The following CENPL variants were observed in gnomAD, a reference collection of about 807,000 sequenced individuals.
The protein encoded by CENPL is interphase centromere complex protein 33.
In CENPL, 20 loss-of-function variants were observed where a neutral mutation model predicts 35.2. That is an observed-to-expected ratio of 0.57 (90% CI 0.40 to 0.83). The LOEUF (loss-of-function observed/expected upper bound fraction) is 0.83, where lower values mean the gene tolerates loss of function less well. Ranked by LOEUF, CENPL falls within the 40% of genes least tolerant of loss-of-function variation. CENPL has a pLI of 0.00. For synonymous variants in CENPL, 140 were observed against 140.6 expected (o/e 1.00, Z 0.03); for missense variants, 363 against 395.8 (o/e 0.92, Z 0.70).
At position 173,799,770 on chromosome 1, in the gene CENPL, G is replaced by A. The variant is rs1649589627; in HGVS notation, c.*678C>T. The stretch of plus-strand genomic sequence containing the variant: ...CTAAAATGCTTAAAAGAGATTAAAG[G>A]TTTTAAAGACCCAAATCAGAAATAT... On this transcript the variant is annotated 3_prime_UTR_variant, in exon 6 of 6. Transcript: ENST00000682279. 6.6e-6 allele frequency: 1 copy of A among 152,146 alleles called. No homozygotes were observed. Among genetic ancestry groups the A allele is most frequent in the South Asian group, 2.1e-4 (1 of 4,824 alleles). The allele number at this position is 152,146 out of a possible 1,614,324, so 9.4% of individuals were successfully genotyped here.
intron 5 of CENPL, among the ~76,000 whole-genome samples, chr1:173,802,443 T>C (rs1649836570): frequency 1.3e-5 from 2 of 152,122 alleles, no homozygotes; most frequent in Admixed American, 1.3e-4. Context: ...CCTGACCTCA[T>C]GATCCGCCCG....
Position 173,807,276 on chromosome 1 carries a change from A to G in CENPL, c.411T>C (p.Phe137=), listed in dbSNP as rs1440886060. 6.2e-7 allele frequency: 1 copy of G among 1,605,076 alleles called. No individual in the cohort carries two copies. The highest frequency in any genetic ancestry group is 8.5e-7 in the Non-Finnish European group (1 of 1,174,474). ...TGTTTATGTATTATACCTGGACAAG[A>G]AATGCTTCCGGGTCCCTTTGTGTTC... is the stretch of plus-strand genomic sequence containing the variant. ...MKGTQRDPEA[F]LVQIVSKSQL... is the part of the protein sequence containing the mutation. The change falls in exon 4 of 6, where the codon TTT becomes TTC. Residue 137 remains phenylalanine, a synonymous_variant. Transcript: ENST00000682279.
chr1:173,806,413 C>G (rs1650231000), intron 4 of CENPL: 1 of 443,144 alleles, frequency 2.3e-6, no homozygotes, highest in African/African-American at 2.0e-5. Context: ...TGGCGAGACC[C>G]TGTCTACAAA....
chr1:173,813,560 A>C (rs1651054340), intron 2 of CENPL, among the ~76,000 whole-genome samples: 1 of 152,216 alleles, frequency 6.6e-6, no homozygotes, highest in Non-Finnish European at 1.5e-5. Context: ...CCAGAATTTC[A>C]TATCCAGCCA....
intron 4 of CENPL, 23 bp downstream of exon 4, chr1:173,807,244 C>A: frequency 6.6e-7 from 1 of 1,511,868 alleles, no homozygotes; most frequent in Admixed American, 2.0e-5. Flanking sequence ...CCCTAGGAAG[C>A]AAGAACTGTT....
At chr1:173,802,049 G>GA (rs927706412) in intron 5 of CENPL, among the ~76,000 whole-genome samples, 8 of 151,368 alleles carry the variant, frequency 5.3e-5, no homozygotes, top group Admixed American at 3.3e-4. Flanking sequence ...AGCACACACA[G>GA]AAAAAACACC....
intron 3 of CENPL, among the ~76,000 whole-genome samples, chr1:173,809,618 C>CA (rs796718218): frequency 3.2e-4 from 45 of 140,346 alleles, no homozygotes; most frequent in African/African-American, 5.7e-4. Flanking sequence ...AAAACAACAA[C>CA]AAAAAAAAAA....
intron 2 of CENPL, among the ~76,000 whole-genome samples, chr1:173,815,802 C>G (rs1418253119): frequency 6.6e-6 from 1 of 152,204 alleles, no homozygotes; most frequent in Non-Finnish European, 1.5e-5. Context: ...TCTCTCACCA[C>G]TCCTATTCAA....
rs773099596 is a variant in CENPL at position 173,803,301 on chromosome 1, T to G, written c.625A>C (p.Ser209Arg). The change falls in exon 5 of 6, where the codon AGT becomes CGT. Residue 209 changes from serine to arginine, a missense_variant. Coordinates refer to ENST00000682279, the MANE Select transcript of CENPL (RefSeq NM_001387287.1). ...TTAAATGCATTGATTGCTAAAGGAC[T>G]GAAATAACAGTCAAAGGTTTTCTGA... ...WFQKTFDCYF[S>R]PLAINAFNLS... 1.2e-6 allele frequency: 2 copies of G among 1,613,646 alleles called. No homozygotes were observed. The highest frequency in any genetic ancestry group is 1.7e-6 in the Non-Finnish European group (2 of 1,179,524).
chr1:173,812,585 T>A (rs1650943083), intron 2 of CENPL, among the ~76,000 whole-genome samples: 1 of 152,172 alleles, frequency 6.6e-6, no homozygotes, highest in Non-Finnish European at 1.5e-5. Flanking sequence ...TCTAGGGACC[T>A]GACTGACAGA....
At chr1:173,808,257 T>A (rs1650426870) in intron 3 of CENPL, among the ~76,000 whole-genome samples, 1 of 151,450 alleles carries the variant, frequency 6.6e-6, no homozygotes, top group Non-Finnish European at 1.5e-5. Context: ...AATACAAAAA[T>A]AAATAAGCCA....
intron 4 of CENPL, 90 bp downstream of exon 4, chr1:173,807,177 T>C: frequency 8.2e-7 from 1 of 1,225,630 alleles, no homozygotes. Flanking sequence ...GAAAAAATTT[T>C]TTAAGTTGAT....
chr1:173,823,340 G>A (rs1027385544), intron 2 of CENPL: 1 of 148,500 alleles, frequency 6.7e-6, no homozygotes, highest in Non-Finnish European at 1.5e-5. Context: ...AAGATCCATC[G>A]ACATTAGCCT....
Position 173,811,202 on chromosome 1 carries a change from G to A in CENPL, c.98C>T (p.Ser33Leu), listed in dbSNP as rs1427837069. Residue 33 changes from serine (S) to leucine (L), a missense_variant, in exon 3 of 6, where the codon TCG becomes TTG. By Grantham distance (145) the Ser-to-Leu change is moderately radical. Coordinates refer to ENST00000682279, the MANE Select transcript of CENPL (RefSeq NM_001387287.1). Reference protein sequence around the residue: ...GATPLQKRLESVRKQSSFILT... With the variant: ...GATPLQKRLELVRKQSSFILT... ...GATAAATGAACTCTGCTTCCTGACC[G>A]ATTCTAATCGTTTCTGCAGAGGAGT... 15 of 1,613,814 alleles carry A rather than the reference G, an allele frequency of 9.3e-6. No individual in the cohort carries two copies. Among genetic ancestry groups the A allele is most frequent in the Non-Finnish European group, 1.0e-5 (12 of 1,179,868 alleles).
chr1:173,817,467 A>G (rs1040467086), intron 2 of CENPL, among the ~76,000 whole-genome samples: 2 of 152,190 alleles, frequency 1.3e-5, no homozygotes, highest in Non-Finnish European at 2.9e-5. Context: ...ACCATCTCAC[A>G]CCAGTTAGAA....
intron 3 of CENPL, 152 bp downstream of exon 3, chr1:173,810,980 C>T (rs944997596): frequency 1.0e-5 from 6 of 596,330 alleles, no homozygotes; most frequent in African/African-American, 3.7e-5. Flanking sequence ...AAAGAGGTAG[C>T]ACTGATCGTT....
chr1:173,807,619 C>CGGCGACCA, intron 3 of CENPL, 101 bp from the exon 4 acceptor site: 1 of 1,004,042 alleles, frequency 1.0e-6, no homozygotes, highest in South Asian at 2.3e-5. Context: ...TTATTGAGTA[C>CGGCGACCA]CTGATTTTTG....
chr1:173,813,549 C>A (rs1651053835), intron 2 of CENPL, among the ~76,000 whole-genome samples: 1 of 152,260 alleles, frequency 6.6e-6, no homozygotes, highest in Non-Finnish European at 1.5e-5. Context: ...GAATTTTCAA[C>A]CCAGAATTTC....
chr1:173,811,235 ATAAAG>A lies in CENPL; in HGVS notation c.60_64del (p.Phe21ArgfsTer38). 1.2e-6 allele frequency: 2 copies of A among 1,613,458 alleles called. No individual in the cohort carries two copies. Among genetic ancestry groups the A allele is most frequent in the Non-Finnish European group, 1.7e-6 (2 of 1,179,404 alleles). ...TCGTTTCTGCAGAGGAGTGGCACCT[ATAAAG>A]TAATCTTCAGGTCTTGAGGATGCAC... is the stretch of plus-strand genomic sequence containing the variant. On this transcript the variant is annotated frameshift_variant, in exon 3 of 6. Coordinates refer to ENST00000682279, the MANE Select transcript of CENPL (RefSeq NM_001387287.1). LOFTEE classifies it high-confidence loss of function.
Sources: gnomAD v4.1 joint callset for allele counts (sites outside exome capture counted in the v4.1 genomes callset) on GRCh38, gnomAD v4.1.1 for gene constraint, MANE v1.5 for transcripts, NCBI Gene and HGNC (gene_info 2026-07-23, HGNC 2026-07-21) for gene names.